Variants in PRKAG2 observed in about 807,000 individuals in gnomAD.
PRKAG2 encodes the protein protein kinase AMP-activated non-catalytic subunit gamma 2.
A neutral mutation model predicts 69.6 loss-of-function variants in PRKAG2; 26 were observed. The observed-to-expected ratio is 0.37, with a 90% CI of 0.27 to 0.52. The LOEUF (loss-of-function observed/expected upper bound fraction) is 0.52, where lower values mean the gene tolerates loss of function less well. Among genes scored for constraint, PRKAG2 ranks in the 20% least tolerant of loss-of-function variants. The pLI, the probability that PRKAG2 is intolerant of heterozygous loss-of-function variation, is 0.90. For missense variants in PRKAG2, 557 were observed against 740.0 expected (o/e 0.75, Z 2.87); for synonymous variants, 293 against 285.0 (o/e 1.03, Z -0.28).
chr7:151,762,809 A>G (rs2075496080), intron 3 of PRKAG2, among the ~76,000 whole-genome samples: 1 of 152,198 alleles, frequency 6.6e-6, no homozygotes. Context: ...CCTAAGAAGC[A>G]TCCTTTACAG....
Position 151,632,604 on chromosome 7 carries a change from C to G in PRKAG2, c.685-466G>C. ...CACCGGCGGCCGCGCTCGGCAGGCT[C>G]CACCTGCGCAGGTGTGGGCTCCGCG... On this transcript the variant is annotated intron_variant, in intron 4 of 15. Coordinates refer to ENST00000287878, the MANE Select transcript of PRKAG2 (RefSeq NM_016203.4). The surrounding 1 kb of genome is among the most constrained non-coding windows in gnomAD (Gnocchi z 4.2). 1 of 984,388 alleles carries G rather than the reference C, an allele frequency of 1.0e-6. No individual in the cohort carries two copies. The allele number at this position is 984,388 out of a possible 1,614,324, so 61.0% of individuals were successfully genotyped here. A position where few individuals can be genotyped will look rare whatever the true frequency, so the allele number is the denominator to read the frequency against.
chr7:151,673,884 C>T (rs1468863587), intron 4 of PRKAG2, among the ~76,000 whole-genome samples: 1 of 148,186 alleles, frequency 6.7e-6, no homozygotes, highest in Admixed American at 6.8e-5. Flanking sequence ...GCTCTGTCAC[C>T]CAGGCCGGAG....
At chr7:151,592,100 C>T (rs996206710) in intron 6 of PRKAG2, among the ~76,000 whole-genome samples, 2 of 152,132 alleles carry the variant, frequency 1.3e-5, no homozygotes, top group African/African-American at 4.8e-5. Flanking sequence ...GTACATGATG[C>T]AGCTGCTCTG....
rs2079658910 is a variant in PRKAG2, at chr7:151,854,629, G to C, written c.114+21878C>G. 2.6e-5 allele frequency among the ~76,000 whole-genome samples: 4 copies of C among 152,226 alleles called. 1 individual carries two copies. The highest frequency in any genetic ancestry group is 2.6e-4 in the Admixed American group (4 of 15,292). ...ACGGACAGCACTGCCACAGGCTTGA[G>C]TGACATCACCTCAGTTTGCACAATT... On this transcript the variant is annotated intron_variant, in intron 1 of 15. Coordinates refer to ENST00000287878, the MANE Select transcript of PRKAG2 (RefSeq NM_016203.4).
intron 1 of PRKAG2, among the ~76,000 whole-genome samples, chr7:151,799,601 C>T (rs1298941715): frequency 6.6e-6 from 1 of 152,224 alleles, no homozygotes; most frequent in Admixed American, 6.5e-5. Context: ...ATCCCAGCCA[C>T]GCAGGCGGCA....
intron 1 of PRKAG2, chr7:151,810,627 C>G (rs6969921): frequency 6.5e-6 from 1 of 153,356 alleles, no homozygotes; most frequent in Non-Finnish European, 1.5e-5. Context: ...TGGGCTGGCT[C>G]TGTACCCGCA....
intron 5 of PRKAG2, among the ~76,000 whole-genome samples, chr7:151,626,802 T>TTTTTTTTTTTTTTTTTTTTTTTTTTTTC (rs1823045392): frequency 6.6e-6 from 1 of 151,710 alleles, no homozygotes; most frequent in African/African-American, 2.4e-5. Context: ...GAGTCTTTTT[T>TTTTTTTTTTTTTTTTTTTTTTTTTTTTC]ATACATTCTC....
intron 3 of PRKAG2, among the ~76,000 whole-genome samples, chr7:151,686,028 TC>T (rs1834679407): frequency 6.6e-6 from 1 of 152,118 alleles, no homozygotes; most frequent in Non-Finnish European, 1.5e-5. Flanking sequence ...GTCTGGGCAG[TC>T]CCCAGTCCCT....
intron 4 of PRKAG2, among the ~76,000 whole-genome samples, chr7:151,650,677 T>A (rs563005092): frequency 1.3e-5 from 2 of 152,292 alleles, no homozygotes; most frequent in South Asian, 4.1e-4. Context: ...CCCATCAATG[T>A]CAGCACCGTG....
At chr7:151,650,355 G>A (rs982788523) in intron 4 of PRKAG2, among the ~76,000 whole-genome samples, 3 of 152,000 alleles carry the variant, frequency 2.0e-5, no homozygotes, top group Admixed American at 2.0e-4. Flanking sequence ...TTTTTCTGCT[G>A]AGAAGTGGGC....
chr7:151,668,383 A>C (rs780086562), intron 4 of PRKAG2, among the ~76,000 whole-genome samples: 1 of 152,228 alleles, frequency 6.6e-6, no homozygotes, highest in Non-Finnish European at 1.5e-5. Flanking sequence ...TTGTTACAGC[A>C]ACATTAAACA....
chr7:151,765,900 G>A (rs1216672036), intron 3 of PRKAG2, among the ~76,000 whole-genome samples: 14 of 152,138 alleles, frequency 9.2e-5, no homozygotes, highest in Admixed American at 9.2e-4. Flanking sequence ...TGTGACCCCT[G>A]GCACTCCTGA....
At position 151,842,253 on chromosome 7, in the gene PRKAG2, TGGTAGTGATGGTA is replaced by T. The variant is rs1311579745; in HGVS notation, c.114+34241_114+34253del. Among the ~76,000 whole-genome samples the T allele has an allele frequency of 8.3e-5, 9 of 108,964 alleles. 1 individual carries two copies. The East Asian group carries it at 2.2e-3, about 26-fold the overall frequency. 71.5% of individuals were successfully genotyped at this position (108,964 alleles called of 152,430 possible). A position where few individuals can be genotyped will look rare whatever the true frequency, so the allele number is the denominator to read the frequency against. On this transcript the variant is annotated intron_variant, in intron 1 of 15. Transcript: ENST00000287878. ...TGATGGTAGCAATGGTAGGTAGGGA[TGGTAGTGATGGTA>T]GGTAGTGATGATGGTAGCAATGGTA...
At chr7:151,720,592 G>A (rs1000275258) in intron 3 of PRKAG2, among the ~76,000 whole-genome samples, 2 of 148,488 alleles carry the variant, frequency 1.3e-5, no homozygotes, top group Non-Finnish European at 3.0e-5. Flanking sequence ...ATGCATGCAG[G>A]GCTCCAGAGC....
chr7:151,685,115 C>T, intron 3 of PRKAG2, among the ~76,000 whole-genome samples: 1 of 152,186 alleles, frequency 6.6e-6, no homozygotes, highest in Non-Finnish European at 1.5e-5. Context: ...CCTGAGCCTT[C>T]AGCCATTTCT....
At chr7:151,785,725 C>G (rs1436112911) in intron 2 of PRKAG2, among the ~76,000 whole-genome samples, 1 of 152,190 alleles carries the variant, frequency 6.6e-6, no homozygotes, top group Non-Finnish European at 1.5e-5. Flanking sequence ...CCAGGAAGCA[C>G]GTCCCCTACC....
At chr7:151,763,657 C>T (rs542765732) in intron 3 of PRKAG2, among the ~76,000 whole-genome samples, 71 of 152,272 alleles carry the variant, frequency 4.7e-4, no homozygotes, top group Non-Finnish European at 8.4e-4. Context: ...GGCTGATCGT[C>T]CCCTCTCTTG....
chr7:151,722,999 T>A (rs1797361443), intron 3 of PRKAG2, among the ~76,000 whole-genome samples: 1 of 152,008 alleles, frequency 6.6e-6, no homozygotes, highest in Admixed American at 6.5e-5. Context: ...AGGAAAGACA[T>A]CCCCTGCAGC....
chr7:151,564,874 G>A (rs1386933971), intron 13 of PRKAG2, among the ~76,000 whole-genome samples: 3 of 152,102 alleles, frequency 2.0e-5, no homozygotes, highest in Non-Finnish European at 4.4e-5. Context: ...TGTTTAATGT[G>A]GGGTCAGTAT....
Sources: gnomAD v4.1 joint callset for allele counts (sites outside exome capture counted in the v4.1 genomes callset) on GRCh38, gnomAD v4.1.1 for gene constraint, Gnocchi (gnomAD v3.1) non-coding constraint, MANE v1.5 for transcripts, NCBI Gene and HGNC (gene_info 2026-07-23, HGNC 2026-07-21) for gene names.